The following PGM1 variants were observed in gnomAD, a reference collection of about 807,000 sequenced individuals.
PGM1 encodes the protein phosphoglucomutase 1, also known as phosphoglucomutase-1.
PGM1 carries 52 observed loss-of-function variants against 55.6 expected under a neutral mutation model. The observed-to-expected ratio is 0.94, with a 90% CI of 0.75 to 1.18. The LOEUF is 1.18. Ranked by LOEUF, PGM1 falls within the 50% of genes most tolerant of loss-of-function variation. The pLI is 0.00. For synonymous variants in PGM1, 287 were observed against 271.7 expected (o/e 1.06, Z -0.55); for missense variants, 724 against 729.3 (o/e 0.99, Z 0.08).
intron 1 of PGM1, among the ~76,000 whole-genome samples, chr1:63,618,702 G>GTGAC (rs1296785462): frequency 2.0e-5 from 3 of 152,070 alleles, no homozygotes; most frequent in Non-Finnish European, 4.4e-5. Flanking sequence ...TTGAATTGGG[G>GTGAC]TGACACCAGC....
intron 1 of PGM1, among the ~76,000 whole-genome samples, chr1:63,600,919 A>G (rs1279696401): frequency 6.6e-6 from 1 of 152,236 alleles, no homozygotes; most frequent in African/African-American, 2.4e-5. Context: ...TGTGTAATCA[A>G]CATTGATCAA....
At chr1:63,619,788 A>G (rs1003256735) in intron 1 of PGM1, among the ~76,000 whole-genome samples, 3 of 152,132 alleles carry the variant, frequency 2.0e-5, no homozygotes, top group Admixed American at 6.5e-5. Flanking sequence ...CCATCCCGCT[A>G]TGATGGCTCC....
chr1:63,632,080 T>G (rs1649211772), intron 4 of PGM1, among the ~76,000 whole-genome samples: 1 of 152,036 alleles, frequency 6.6e-6, no homozygotes, highest in Non-Finnish European at 1.5e-5. Context: ...AGAAGATACC[T>G]TACATTCTTG....
At chr1:63,605,228 G>T (rs1199113924) in intron 1 of PGM1, among the ~76,000 whole-genome samples, 1 of 152,136 alleles carries the variant, frequency 6.6e-6, no homozygotes, top group Admixed American at 6.5e-5. Context: ...TCCTGCTGAT[G>T]AAAGTTGGAG....
At position 63,629,992 on chromosome 1, in the gene PGM1, A is replaced by G. The variant is rs772005776; in HGVS notation, c.460A>G (p.Ile154Val). ...TDKIFQISKT[I>V]EEYAVCPDLK... ...TAAAATTTTCCAAATCAGCAAGACA[A>G]TTGAAGAATATGCAGTTTGCCCTGA... The change falls in exon 3 of 11, where the codon ATT (isoleucine) becomes GTT (valine). Residue 154 changes from isoleucine (I) to valine (V), a missense_variant. Ile to Val is a conservative substitution (Grantham distance 29). Transcript: ENST00000371084. 7 of 1,614,058 alleles carry G rather than the reference A, an allele frequency of 4.3e-6. No homozygotes were observed. The East Asian group carries it at 8.9e-5, about 21-fold the overall frequency.
At chr1:63,616,084 A>G (rs143095214) in intron 1 of PGM1, among the ~76,000 whole-genome samples, 196 of 152,324 alleles carry the variant, frequency 1.3e-3, no homozygotes, top group African/African-American at 4.4e-3. Context: ...TCTTTTTACC[A>G]AAGAATTTTA....
chr1:63,616,846 T>C (rs535426969), intron 1 of PGM1, among the ~76,000 whole-genome samples: 25 of 152,326 alleles, frequency 1.6e-4, no homozygotes, highest in African/African-American at 5.8e-4. Context: ...TTTCTCCTTT[T>C]CTTTAGAGAA....
chr1:63,659,681 C>G lies in PGM1; in HGVS notation c.*6C>G, dbSNP rs1650066479. 6.2e-7 allele frequency: 1 copy of G among 1,608,106 alleles called. No homozygotes were observed. The highest frequency in any genetic ancestry group is 1.1e-5 in the South Asian group (1 of 90,966). On this transcript the variant is annotated 3_prime_UTR_variant, in exon 11 of 11. Coordinates refer to ENST00000371084, the MANE Select transcript of PGM1 (RefSeq NM_002633.3). Reference sequence around the variant, plus strand: ...CACCCACTGTCATCACCTAAGAAGACAGGCCTGATGTGGTACGTCCCTCCA... The same window carrying G: ...CACCCACTGTCATCACCTAAGAAGAGAGGCCTGATGTGGTACGTCCCTCCA...
At chr1:63,654,532 C>T (rs1376812414) in intron 10 of PGM1, 66 bp downstream of exon 10, 1 of 1,538,842 alleles carries the variant, frequency 6.5e-7, no homozygotes, top group Admixed American at 1.7e-5. Context: ...TCCCATTGAG[C>T]CTGTGTTTCA....
intron 1 of PGM1, among the ~76,000 whole-genome samples, chr1:63,626,211 G>A (rs931973682): frequency 1.3e-5 from 2 of 152,146 alleles, no homozygotes; most frequent in African/African-American, 4.8e-5. Flanking sequence ...AAGGTAAAAT[G>A]TACATAACAT....
chr1:63,651,544 C>T, intron 8 of PGM1, 125 bp from the exon 9 acceptor site: 7 of 864,086 alleles, frequency 8.1e-6, no homozygotes, highest in Admixed American at 4.6e-5. Context: ...TTTTTTTTGC[C>T]AGCTTCTTCT....
intron 1 of PGM1, chr1:63,623,664 AG>A: frequency 6.2e-7 from 1 of 1,612,554 alleles, no homozygotes; most frequent in Non-Finnish European, 8.5e-7. Flanking sequence ...TAGACCTAAA[AG>A]ATCGCCAGGG....
At chr1:63,627,486 G>T (rs1234888403) in intron 1 of PGM1, among the ~76,000 whole-genome samples, 2 of 152,032 alleles carry the variant, frequency 1.3e-5, no homozygotes, top group African/African-American at 4.8e-5. Flanking sequence ...GTATCAGATC[G>T]AGAGCAATAT....
At chr1:63,594,560 C>T (rs1647982965) in intron 1 of PGM1, among the ~76,000 whole-genome samples, 1 of 151,810 alleles carries the variant, frequency 6.6e-6, no homozygotes, top group South Asian at 2.1e-4. Context: ...GTTCCGCCCC[C>T]GGCCAAGGAA....
chr1:63,597,191 A>G (rs1477522349), intron 1 of PGM1, among the ~76,000 whole-genome samples: 1 of 140,614 alleles, frequency 7.1e-6, no homozygotes, highest in Non-Finnish European at 1.5e-5. Flanking sequence ...GGGAGGCTCC[A>G]TAGAGGGGTG....
At chr1:63,595,263 A>G (rs1030838877) in intron 1 of PGM1, among the ~76,000 whole-genome samples, 1 of 152,170 alleles carries the variant, frequency 6.6e-6, no homozygotes, top group African/African-American at 2.4e-5. Flanking sequence ...AGATGCTATT[A>G]TGGGTATCTT....
At chr1:63,610,782 G>C (rs1648543606) in intron 1 of PGM1, among the ~76,000 whole-genome samples, 2 of 152,262 alleles carry the variant, frequency 1.3e-5, no homozygotes, top group South Asian at 4.1e-4. Context: ...TGGGGGGAGG[G>C]AGAACTGTTC....
At chr1:63,619,967 G>A (rs756794195) in intron 1 of PGM1, among the ~76,000 whole-genome samples, 4 of 152,302 alleles carry the variant, frequency 2.6e-5, no homozygotes, top group South Asian at 4.1e-4. Flanking sequence ...TGGGAGAGAG[G>A]TATTATTTCA....
chr1:63,612,861 T>G (rs530513143), intron 1 of PGM1, among the ~76,000 whole-genome samples: 35 of 152,290 alleles, frequency 2.3e-4, no homozygotes, highest in African/African-American at 8.4e-4. Flanking sequence ...GGGAGTAATT[T>G]TCTATTTGAG....
Sources: allele counts gnomAD v4.1 joint callset (sites outside exome capture counted in the v4.1 genomes callset), GRCh38; gene constraint gnomAD v4.1.1; transcripts MANE v1.5; gene names NCBI Gene and HGNC (gene_info 2026-07-23, HGNC 2026-07-21).